ARHGAP32: variants seen among roughly 807,000 people sequenced by gnomAD.
ARHGAP32 encodes the protein rho GTPase-activating protein 32.
In ARHGAP32, 51 loss-of-function variants were observed where a neutral mutation model predicts 186.5. That is an observed-to-expected ratio of 0.27 (90% CI 0.22 to 0.35). ARHGAP32 has a LOEUF of 0.35. ARHGAP32 is among the 10% of genes least tolerant of loss of function. The probability of loss-of-function intolerance (pLI) is 1.00; values close to 1 mark genes in which losing one functional copy is unlikely to be tolerated. For missense variants in ARHGAP32, 2,186 were observed against 2,623.5 expected, an observed-to-expected ratio of 0.83 and a Z score of 3.64; for synonymous variants, 950 against 964.3, an observed-to-expected ratio of 0.99 and a Z score of 0.27.
chr11:129,036,197 G>A (rs1382876634), intron 11 of ARHGAP32, among the ~76,000 whole-genome samples: 3 of 151,856 alleles, frequency 2.0e-5, no homozygotes, highest in Non-Finnish European at 2.9e-5. Context: ...TGACCAACAT[G>A]GAGAAAACCC....
intron 11 of ARHGAP32, among the ~76,000 whole-genome samples, chr11:129,016,408 ATTTC>A (rs1938339980): frequency 6.6e-6 from 1 of 152,162 alleles, no homozygotes; most frequent in African/African-American, 2.4e-5. Context: ...ATATTGCCCT[ATTTC>A]TTCTAAAAAC....
chr11:128,995,531 C>A (rs1047339616), intron 12 of ARHGAP32, among the ~76,000 whole-genome samples: 2 of 152,222 alleles, frequency 1.3e-5, no homozygotes, highest in Non-Finnish European at 2.9e-5. Flanking sequence ...TTTTTAACAG[C>A]TTCAACATTT....
intron 11 of ARHGAP32, among the ~76,000 whole-genome samples, chr11:129,038,665 T>C (rs1939457313): frequency 6.6e-6 from 1 of 151,350 alleles, no homozygotes; most frequent in African/African-American, 2.4e-5. Flanking sequence ...GGTGGAAGGA[T>C]CACTTGAAAC....
intron 1 of ARHGAP32, among the ~76,000 whole-genome samples, chr11:129,214,610 G>A (rs767982495): frequency 3.3e-5 from 5 of 152,152 alleles, no homozygotes; most frequent in Admixed American, 6.5e-5. Context: ...CTCTCCAGAG[G>A]TGGACTACAG....
chr11:129,144,720 T>C (rs1943133049), intron 2 of ARHGAP32, among the ~76,000 whole-genome samples: 1 of 152,180 alleles, frequency 6.6e-6, no homozygotes, highest in Non-Finnish European at 1.5e-5. Context: ...TTCAATTCTC[T>C]ATTTTGAGTG....
At chr11:129,058,670 C>T (rs1368291022) in intron 10 of ARHGAP32, among the ~76,000 whole-genome samples, 1 of 152,208 alleles carries the variant, frequency 6.6e-6, no homozygotes, top group African/African-American at 2.4e-5. Context: ...CCAATCAGGG[C>T]AGCTCCATGG....
intron 11 of ARHGAP32, among the ~76,000 whole-genome samples, chr11:129,002,730 A>G (rs1417843307): frequency 6.6e-6 from 1 of 150,876 alleles, no homozygotes; most frequent in Admixed American, 6.6e-5. Flanking sequence ...GGTCTGTAGT[A>G]TATGGCTTTT....
At position 129,274,028 on chromosome 11, in the gene ARHGAP32, AAAAC is replaced by A. The variant is rs1240604819; in HGVS notation, c.-5+5114_-5+5117del. Among the ~76,000 whole-genome samples, 9 of 152,298 alleles carry A rather than the reference AAAAC, an allele frequency of 5.9e-5. No homozygotes were observed. In the East Asian group the frequency reaches 1.4e-3, roughly 23 times the overall value. ...ATACATAGCCGGAAGCAAAAAAAAA[AAAAC>A]AACTGTGTTTTGAAAGCCAGAATTT... is the stretch of plus-strand genomic sequence containing the variant. On this transcript the variant is annotated intron_variant, in intron 1 of 6. Coordinates refer to the ARHGAP32 transcript ENST00000525234.
intron 2 of ARHGAP32, among the ~76,000 whole-genome samples, chr11:129,126,332 G>C (rs1041218745): frequency 2.0e-5 from 3 of 152,158 alleles, no homozygotes; most frequent in African/African-American, 7.2e-5. Context: ...GCAAAAACAG[G>C]CATCCAACAA....
At chr11:129,037,391 G>A (rs1939390964) in intron 11 of ARHGAP32, among the ~76,000 whole-genome samples, 2 of 151,236 alleles carry the variant, frequency 1.3e-5, no homozygotes, top group Non-Finnish European at 2.9e-5. Context: ...CTACTCAGGA[G>A]GCTGAGGTGG....
At chr11:129,074,634 C>T (rs1259857571) in intron 6 of ARHGAP32, among the ~76,000 whole-genome samples, 2 of 152,040 alleles carry the variant, frequency 1.3e-5, no homozygotes, top group Non-Finnish European at 2.9e-5. Context: ...GCTGGGACTA[C>T]AAGCACCTGC....
chr11:129,194,731 C>A (rs562628179), upstream of ARHGAP32, among the ~76,000 whole-genome samples: 101 of 150,830 alleles, frequency 6.7e-4, no homozygotes, highest in African/African-American at 2.4e-3. Flanking sequence ...CCAGCCTGGG[C>A]AACAAGAGTG....
intron 2 of ARHGAP32, among the ~76,000 whole-genome samples, chr11:129,148,852 A>G (rs1421650663): frequency 6.6e-6 from 1 of 152,148 alleles, no homozygotes; most frequent in African/African-American, 2.4e-5. Flanking sequence ...GAAACTATAT[A>G]GAACAACAGA....
At chr11:129,180,864 G>A (rs184557918) in intron 1 of ARHGAP32, among the ~76,000 whole-genome samples, 3 of 152,186 alleles carry the variant, frequency 2.0e-5, no homozygotes, top group Admixed American at 1.3e-4. Context: ...AAGATTATGG[G>A]AACCAGCCTT....
chr11:129,134,009 G>T (rs567070687), intron 2 of ARHGAP32, among the ~76,000 whole-genome samples: 2 of 152,224 alleles, frequency 1.3e-5, no homozygotes, highest in South Asian at 4.1e-4. Context: ...GATGGTGGTA[G>T]GATTTCTACA....
At chr11:129,080,339 C>T (rs1387017473) in intron 6 of ARHGAP32, among the ~76,000 whole-genome samples, 1 of 151,998 alleles carries the variant, frequency 6.6e-6, no homozygotes, top group Non-Finnish European at 1.5e-5. Context: ...CCAAGACAGA[C>T]CATATGATAG....
At chr11:129,235,577 T>C (rs184625223) in intron 1 of ARHGAP32, among the ~76,000 whole-genome samples, 1 of 152,252 alleles carries the variant, frequency 6.6e-6, no homozygotes, top group African/African-American at 2.4e-5. Context: ...GGTCTTCATA[T>C]AAGAGAAAAC....
intron 6 of ARHGAP32, among the ~76,000 whole-genome samples, chr11:129,089,127 A>G (rs1211374205): frequency 6.6e-6 from 1 of 152,154 alleles, no homozygotes; most frequent in Non-Finnish European, 1.5e-5. Context: ...ATATCCCAAC[A>G]TATGTAGGAT....
intron 2 of ARHGAP32, among the ~76,000 whole-genome samples, chr11:129,151,799 C>T (rs899739397): frequency 2.4e-4 from 37 of 152,138 alleles, no homozygotes; most frequent in African/African-American, 7.9e-4. Context: ...TAAGGTCACA[C>T]CTCAAGGAAA....
Sources: gnomAD v4.1 joint callset for allele counts (sites outside exome capture counted in the v4.1 genomes callset) on GRCh38, gnomAD v4.1.1 for gene constraint, MANE v1.5 for transcripts, NCBI Gene and HGNC (gene_info 2026-07-23, HGNC 2026-07-21) for gene names.